Variants in NCAM2 observed in about 807,000 individuals in gnomAD.
NCAM2 encodes N-CAM-2.
A neutral mutation model predicts 98.1 loss-of-function variants in NCAM2; 30 were observed. That is an observed-to-expected ratio of 0.31 (90% CI 0.23 to 0.41). The LOEUF is 0.41. NCAM2 is among the 10% of genes least tolerant of loss of function. NCAM2 has a pLI of 1.00. For synonymous variants in NCAM2, 368 were observed against 342.4 expected, an observed-to-expected ratio of 1.07 and a Z score of -0.83; for missense variants, 867 against 1,005.8, an observed-to-expected ratio of 0.86 and a Z score of 1.87.
intron 5 of NCAM2, among the ~76,000 whole-genome samples, chr21:21,320,300 G>A (rs535907855): frequency 4.6e-5 from 7 of 152,222 alleles, no homozygotes; most frequent in African/African-American, 1.2e-4. Context: ...TTGTATGTAC[G>A]TATTTAGTTT....
intron 12 of NCAM2, among the ~76,000 whole-genome samples, chr21:21,440,912 T>C (rs184634866): frequency 4.5e-4 from 68 of 152,280 alleles, no homozygotes; most frequent in African/African-American, 1.5e-3. Context: ...TAAGACAATT[T>C]TTAGGTAGAA....
intron 12 of NCAM2, among the ~76,000 whole-genome samples, chr21:21,446,836 G>A (rs530235826): frequency 6.6e-5 from 10 of 152,046 alleles, no homozygotes; most frequent in African/African-American, 1.7e-4. Context: ...TAGGAATATA[G>A]CTAACAAGGG....
intron 1 of NCAM2, among the ~76,000 whole-genome samples, chr21:21,027,217 T>C (rs2146207774): frequency 6.6e-6 from 1 of 152,350 alleles, no homozygotes; most frequent in Non-Finnish European, 1.5e-5. Context: ...ATTAATTTAT[T>C]TATTTGACCC....
chr21:21,051,467 G>T (rs1248919213), intron 1 of NCAM2, among the ~76,000 whole-genome samples: 3 of 152,324 alleles, frequency 2.0e-5, no homozygotes, highest in African/African-American at 7.2e-5. Context: ...TGTAGTGGAT[G>T]CTTAATTAAA....
intron 1 of NCAM2, among the ~76,000 whole-genome samples, chr21:21,159,323 A>T (rs1043325279): frequency 8.5e-5 from 13 of 152,300 alleles, no homozygotes; most frequent in African/African-American, 3.1e-4. Context: ...AATTTAGTGT[A>T]GTATAAGTTT....
At chr21:21,425,555 A>G (rs1372491966) in intron 11 of NCAM2, among the ~76,000 whole-genome samples, 1 of 152,144 alleles carries the variant, frequency 6.6e-6, no homozygotes, top group Non-Finnish European at 1.5e-5. Context: ...TAGTGAATGA[A>G]CACTGCTATG....
At position 21,405,229 on chromosome 21, in the gene NCAM2, A is replaced by C. The variant is rs961604472; in HGVS notation, c.1196-5045A>C. 2.0e-5 allele frequency among the ~76,000 whole-genome samples: 3 copies of C among 152,062 alleles called. No homozygotes were observed. The South Asian group carries it at 6.2e-4, about 31-fold the overall frequency. ...TTTTTATGTTTCAGAATATTGATTTAATAGAGGCTGAATATTCTCAATGAA... is the reference window on the plus strand; with the variant it reads ...TTTTTATGTTTCAGAATATTGATTTCATAGAGGCTGAATATTCTCAATGAA... On this transcript the variant is annotated intron_variant, in intron 9 of 17. Transcript: ENST00000400546.
At chr21:21,052,087 T>G (rs1473527329) in intron 1 of NCAM2, among the ~76,000 whole-genome samples, 1 of 151,450 alleles carries the variant, frequency 6.6e-6, no homozygotes, top group African/African-American at 2.4e-5. Flanking sequence ...GTGTGCACAG[T>G]ACAGAATTTT....
chr21:21,080,741 G>C (rs1024271302), intron 1 of NCAM2, among the ~76,000 whole-genome samples: 1 of 150,510 alleles, frequency 6.6e-6, no homozygotes, highest in Non-Finnish European at 1.5e-5. Flanking sequence ...AATTATTCGG[G>C]TAAATTTCTG....
Position 21,508,837 on chromosome 21 carries a change from T to TTA in NCAM2, c.2078-13_2078-12insAT. 2 of 1,164,202 alleles carry TTA rather than the reference T, an allele frequency of 1.7e-6. No homozygotes were observed. Among genetic ancestry groups the TTA allele is most frequent in the South Asian group, 5.0e-5 (2 of 40,248 alleles). The allele number at this position is 1,164,202 out of a possible 1,614,324, so 72.1% of individuals were successfully genotyped here. On this transcript the variant is annotated splice_polypyrimidine_tract_variant and intron_variant, in intron 15 of 17. Transcript: ENST00000400546. ...TTTTTTTTTTTTTTTTTTTTTTTTT[T>TTA]TTTACTTTTTAAGACACGCTGTTTA...
At chr21:21,223,396 C>G (rs1222900177) in intron 1 of NCAM2, 2 of 152,026 alleles carry the variant, frequency 1.3e-5, no homozygotes, top group Non-Finnish European at 2.9e-5. Flanking sequence ...AAACTCATTA[C>G]TATCTAGTTA....
Position 21,508,840 on chromosome 21 carries a change from T to TTTTTA in NCAM2, c.2078-11_2078-10insTTTTA. The TTTTTA allele has an allele frequency of 1.1e-6, 1 of 913,584 alleles. No individual in the cohort carries two copies. Among genetic ancestry groups the TTTTTA allele is most frequent in the Non-Finnish European group, 1.5e-6 (1 of 679,108 alleles). The allele number at this position is 913,584 out of a possible 1,614,324, so 56.6% of individuals were successfully genotyped here. On this transcript the variant is annotated splice_polypyrimidine_tract_variant and intron_variant, in intron 15 of 17. Transcript: ENST00000400546. ...TTTTTTTTTTTTTTTTTTTTTTTTTTACTTTTTAAGACACGCTGTTTAATG... is the reference window on the plus strand; with the variant it reads ...TTTTTTTTTTTTTTTTTTTTTTTTTTTTTTAACTTTTTAAGACACGCTGTTTAATG...
chr21:21,160,848 A>G (rs1235730786), intron 1 of NCAM2, among the ~76,000 whole-genome samples: 1 of 152,050 alleles, frequency 6.6e-6, no homozygotes, highest in Non-Finnish European at 1.5e-5. Context: ...ATGCAATGAC[A>G]TTCTGCTTTA....
At chr21:21,435,277 CAT>C (rs757826593) in intron 12 of NCAM2, among the ~76,000 whole-genome samples, 2 of 152,172 alleles carry the variant, frequency 1.3e-5, no homozygotes, top group Non-Finnish European at 2.9e-5. Context: ...TTTAAAGAGA[CAT>C]AGTAGATCAA....
intron 1 of NCAM2, among the ~76,000 whole-genome samples, chr21:21,220,378 A>G (rs2070095469): frequency 6.6e-6 from 1 of 152,172 alleles, no homozygotes; most frequent in Non-Finnish European, 1.5e-5. Context: ...TCATTGTGTT[A>G]TGATTGGCTG....
At chr21:21,426,006 C>G (rs932720762) in intron 11 of NCAM2, among the ~76,000 whole-genome samples, 1 of 151,756 alleles carries the variant, frequency 6.6e-6, no homozygotes, top group Non-Finnish European at 1.5e-5. Flanking sequence ...GTCCAATAAC[C>G]AAATTGTTTT....
At chr21:21,147,029 C>T (rs1310920536) in intron 1 of NCAM2, 1 of 905,852 alleles carries the variant, frequency 1.1e-6, no homozygotes, top group Non-Finnish European at 1.3e-6. Context: ...ATCTCGCGCC[C>T]TGTCCCACTC....
At chr21:21,130,122 A>G (rs1465902865) in intron 1 of NCAM2, among the ~76,000 whole-genome samples, 1 of 152,196 alleles carries the variant, frequency 6.6e-6, no homozygotes, top group Non-Finnish European at 1.5e-5. Context: ...TATAAAACAA[A>G]GGCTAACTAG....
chr21:21,147,365 A>G, intron 1 of NCAM2: 1 of 870,934 alleles, frequency 1.1e-6, no homozygotes, highest in South Asian at 5.3e-5. Flanking sequence ...AATTTAGAGT[A>G]GAAGGAAAAT....
Sources: gnomAD v4.1 joint callset for allele counts (sites outside exome capture counted in the v4.1 genomes callset) on GRCh38, gnomAD v4.1.1 for gene constraint, MANE v1.5 for transcripts, NCBI Gene and HGNC (gene_info 2026-07-23, HGNC 2026-07-21) for gene names.